The following DNAH2 variants were observed in gnomAD, a reference collection of about 807,000 sequenced individuals.
DNAH2 encodes axonemal beta dynein heavy chain 2.
Under a neutral mutation model 523.5 loss-of-function variants are expected in DNAH2, and 323 were observed. The ratio of observed to expected loss-of-function variants is 0.62; its 90% confidence interval spans 0.56 to 0.68. DNAH2 has a LOEUF of 0.68. Ranked by LOEUF, DNAH2 falls within the 30% of genes least tolerant of loss-of-function variation. The probability of loss-of-function intolerance (pLI) is 0.00; values close to 1 mark genes in which losing one functional copy is unlikely to be tolerated. For synonymous variants in DNAH2, 2,093 were observed against 2,177.4 expected, an observed-to-expected ratio of 0.96 and a Z score of 1.08; for missense variants, 4,907 against 5,701.5, an observed-to-expected ratio of 0.86 and a Z score of 4.49.
In DNAH2 at chr17:7,801,716, C is replaced by T. The variant is rs2077227588; in HGVS notation, c.8832+6C>T. On this transcript the variant is annotated splice_donor_region_variant and intron_variant, in intron 57 of 85. Transcript: ENST00000572933. ...ACCTGGGAACTCAGGAGAATGTGAG[C>T]CCCTCCTCCCCACCTCTCATTGCAT... 8 of 1,613,860 alleles carry T rather than the reference C, an allele frequency of 5.0e-6. No individual in the cohort carries two copies. Among genetic ancestry groups the T allele is most frequent in the Non-Finnish European group, 6.8e-6 (8 of 1,179,956 alleles).
Position 7,740,838 on chromosome 17 carries a change from C to T in DNAH2, c.1535C>T (p.Ala512Val), listed in dbSNP as rs1374316543. Reference sequence around the variant, plus strand: ...ATCAAGCGGACTTATGACAAGAAGGCGGTGGATCTCTACATGCTGTTCAAT... The same window carrying T: ...ATCAAGCGGACTTATGACAAGAAGGTGGTGGATCTCTACATGCTGTTCAAT... ...EAIKRTYDKKAVDLYMLFNSE... is the reference protein window; with the variant it reads ...EAIKRTYDKKVVDLYMLFNSE... Residue 512 changes from alanine to valine, a missense_variant, in exon 11 of 86, where the codon GCG becomes GTG. Ala to Val is a moderately conservative substitution (Grantham distance 64). This residue lies in a region of DNAH2 where 2,806 missense variants were observed against 3,190.8 expected (regional missense o/e 0.88). Coordinates refer to ENST00000572933, the MANE Select transcript of DNAH2 (RefSeq NM_020877.5). The T allele has an allele frequency of 1.2e-6, 2 of 1,610,740 alleles. No homozygotes were observed. Among genetic ancestry groups the T allele is most frequent in the East Asian group, 2.2e-5 (1 of 44,768 alleles).
rs58952947 is a variant in DNAH2, at chr17:7,741,323, C to CTCCCTCCTTCCTTCCTTCCTTCCT, written c.1689+334_1689+335insCTCCTTCCTTCCTTCCTTCCTTCC. On this transcript the variant is annotated intron_variant, in intron 11 of 85. Coordinates refer to ENST00000572933, the MANE Select transcript of DNAH2 (RefSeq NM_020877.5). ...CTTCCTTCCCTCCCTCCCTCCCTCC[C>CTCCCTCCTTCCTTCCTTCCTTCCT]TCCTTCCTTCCTTCCTTCCTTCCTT... 2.7e-3 allele frequency among the ~76,000 whole-genome samples: 160 copies of CTCCCTCCTTCCTTCCTTCCTTCCT among 59,338 alleles called. 9 individuals are homozygous for CTCCCTCCTTCCTTCCTTCCTTCCT. The highest frequency in any genetic ancestry group is 0.027 in the Middle Eastern group (3 of 112). The allele number at this position is 59,338 out of a possible 152,430, so 38.9% of individuals were successfully genotyped here.
chr17:7,823,713 C>G lies in DNAH2; in HGVS notation c.11329+85C>G. ...GGCCCTTCCCATTGTCCTCCATCCC[C>G]TCTCCCAGCTGGTGCCTGCCTCCTG... is the stretch of plus-strand genomic sequence containing the variant. On this transcript the variant is annotated intron_variant, in intron 74 of 85. Transcript: ENST00000572933. The G allele has an allele frequency of 2.5e-6, 4 of 1,579,830 alleles. No homozygotes were observed. In the South Asian group the frequency reaches 4.7e-5, roughly 18 times the overall value.
chr17:7,804,487 C>A, intron 59 of DNAH2, 21 bp downstream of exon 59: 1 of 1,609,874 alleles, frequency 6.2e-7, no homozygotes, highest in South Asian at 1.1e-5. Context: ...CACGCCCACC[C>A]CCCGTGCCCC....
chr17:7,792,925 C>T, intron 47 of DNAH2, 56 bp from the exon 48 acceptor site: 2 of 1,603,278 alleles, frequency 1.2e-6, no homozygotes, highest in South Asian at 1.1e-5. Flanking sequence ...ACCCTCCTCT[C>T]TAAGCCCGTA....
Position 7,760,653 on chromosome 17 carries a change from G to A in DNAH2, c.2786-87G>A. On this transcript the variant is annotated intron_variant, in intron 17 of 85. Transcript: ENST00000572933. The surrounding 1 kb of genome is among the most constrained non-coding windows in gnomAD (Gnocchi z 4.0). Reference sequence around the variant, plus strand: ...TTCTCTGGGAAGCTGGTTTTAGAGTGGAAGGTCTGGAGCAGTGGGCAGGGC... The same window carrying A: ...TTCTCTGGGAAGCTGGTTTTAGAGTAGAAGGTCTGGAGCAGTGGGCAGGGC... 3 of 1,315,034 alleles carry A rather than the reference G, an allele frequency of 2.3e-6. No individual in the cohort carries two copies. The highest frequency in any genetic ancestry group is 3.1e-6 in the Non-Finnish European group (3 of 954,802). 81.5% of individuals were successfully genotyped at this position (1,315,034 alleles called of 1,614,324 possible). A position where few individuals can be genotyped will look rare whatever the true frequency, so the allele number is the denominator to read the frequency against.
In DNAH2 at chr17:7,821,943, C is replaced by A. The variant is rs1287927287; in HGVS notation, c.11142+574C>A. On this transcript the variant is annotated intron_variant, in intron 73 of 85. Transcript: ENST00000572933. The surrounding 1 kb of genome is among the most constrained non-coding windows in gnomAD (Gnocchi z 5.0). ...TAGACATTTTCTTGACTTTTCCCACCTTCACTTCCTGCCTCCCACCCCAAA... is the reference window on the plus strand; with the variant it reads ...TAGACATTTTCTTGACTTTTCCCACATTCACTTCCTGCCTCCCACCCCAAA... Among the ~76,000 whole-genome samples, 1 of 152,098 alleles carries A rather than the reference C, an allele frequency of 6.6e-6. No individual in the cohort carries two copies. The highest frequency in any genetic ancestry group is 1.5e-5 in the Non-Finnish European group (1 of 68,016).
intron 58 of DNAH2, among the ~76,000 whole-genome samples, chr17:7,802,578 AT>A (rs777650702): frequency 6.6e-5 from 10 of 152,214 alleles, no homozygotes; most frequent in Non-Finnish European, 1.2e-4. Flanking sequence ...TGTAAATGCT[AT>A]GTAAATAGTT....
chr17:7,777,214 T>C (rs566899606), intron 32 of DNAH2, among the ~76,000 whole-genome samples: 1 of 151,624 alleles, frequency 6.6e-6, no homozygotes, highest in African/African-American at 2.4e-5. Context: ...GGAGCTAGAA[T>C]TGCAGGGAGG....
At position 7,794,473 on chromosome 17, in the gene DNAH2, C is replaced by T. The variant is rs147924166; in HGVS notation, c.7674+115C>T. The T allele has an allele frequency of 5.2e-3, 4,544 of 882,068 alleles. 15 individuals carry two copies. The highest frequency in any genetic ancestry group is 9.0e-3 in the Middle Eastern group (40 of 4,456). 54.6% of individuals were successfully genotyped at this position (882,068 alleles called of 1,614,324 possible). ...CTGCGGCACCCCAAGTGGAGCTCCA[C>T]GCAGGACGCTGGGACGATCCGTAAG... On this transcript the variant is annotated intron_variant, in intron 49 of 85. Coordinates refer to ENST00000572933, the MANE Select transcript of DNAH2 (RefSeq NM_020877.5).
At chr17:7,778,239 G>C in intron 34 of DNAH2, 41 bp from the exon 35 acceptor site, 1 of 1,613,918 alleles carries the variant, frequency 6.2e-7, no homozygotes, top group Non-Finnish European at 8.5e-7. Context: ...GCTGAGAGAG[G>C]CTTCCAGGAG....
chr17:7,817,806 G>C lies in DNAH2; in HGVS notation c.10186G>C (p.Asp3396His). 6.2e-7 allele frequency: 1 copy of C among 1,614,026 alleles called. No homozygotes were observed. The change falls in exon 67 of 86, where the codon GAC (aspartate) becomes CAC (histidine). Residue 3396 changes from aspartate (D) to histidine (H), a missense_variant. Transcript: ENST00000572933. ...CCCTTCCAGGTGGGCACTGATGATC[G>C]ACCCTCAGGCCCAGGCCCTGAAATG... The part of the protein sequence containing the change: ...TRGNRWALMI[D>H]PQAQALKWIK...
intron 8 of DNAH2, chr17:7,738,077 G>A (rs757053437): frequency 2.8e-6 from 2 of 703,534 alleles, no homozygotes; most frequent in African/African-American, 3.5e-5. Flanking sequence ...CTGTTGTCAC[G>A]CTTGGAAAGA....
chr17:7,801,470 A>T, intron 56 of DNAH2, 108 bp from the exon 57 acceptor site: 1 of 1,486,308 alleles, frequency 6.7e-7, no homozygotes, highest in Middle Eastern at 1.8e-4. Flanking sequence ...GAGCAAGGGG[A>T]TGGGGCATTT....
rs1164955050 is a variant in DNAH2, at chr17:7,792,024, G to C, written c.7008G>C (p.Arg2336Ser). 1.2e-6 allele frequency: 2 copies of C among 1,613,842 alleles called. No individual in the cohort carries two copies. Among genetic ancestry groups the C allele is most frequent in the Admixed American group, 3.3e-5 (2 of 59,982 alleles). The change falls in exon 45 of 86, where the codon AGG (arginine) becomes AGC (serine). Residue 2336 changes from arginine (R) to serine (S), a missense_variant. By Grantham distance (110) the Arg-to-Ser change is moderately radical (BLOSUM62 -1). This residue lies in a region of DNAH2 where 2,806 missense variants were observed against 3,190.8 expected (regional missense o/e 0.88). Coordinates refer to ENST00000572933, the MANE Select transcript of DNAH2 (RefSeq NM_020877.5). ...CTGTGGATGAGGAGGGCCGGAAGAG[G>C]ATCGACAGCTACCTCCGAGAGATCG... Reference protein sequence around the residue: ...CASVDEEGRKRIDSYLREIEG... With the variant: ...CASVDEEGRKSIDSYLREIEG...
chr17:7,779,725 A>G (rs1238290082), intron 36 of DNAH2, among the ~76,000 whole-genome samples: 1 of 152,164 alleles, frequency 6.6e-6, no homozygotes, highest in Non-Finnish European at 1.5e-5. Context: ...TCTCTCTGCC[A>G]TCTCTTTTGC....
Position 7,743,697 on chromosome 17 carries a change from A to C in DNAH2, c.1904+555A>C, listed in dbSNP as rs1479212788. On this transcript the variant is annotated intron_variant, in intron 12 of 85. Transcript: ENST00000572933. Reference sequence around the variant, plus strand: ...AAATCAAAAACCACTCCACTATCTGACTAAACCAGTGATGTCGCTGTTCTG... The same window carrying C: ...AAATCAAAAACCACTCCACTATCTGCCTAAACCAGTGATGTCGCTGTTCTG... 2 of 259,136 alleles carry C rather than the reference A, an allele frequency of 7.7e-6. 1 individual carries two copies. The highest frequency in any genetic ancestry group is 1.5e-5 in the Non-Finnish European group (2 of 135,956). The allele number at this position is 259,136 out of a possible 1,614,324, so 16.1% of individuals were successfully genotyped here.
chr17:7,770,894 G>A lies in DNAH2; in HGVS notation c.4323G>A (p.Glu1441=), dbSNP rs1315128845. Residue 1441 remains glutamate, a synonymous_variant, in exon 27 of 86, where the codon GAG becomes GAA. Transcript: ENST00000572933. ...RCLSLILEVI[E]MILTVQRQWM... ...TCTCCCTCATTTTGGAGGTTATTGA[G>A]ATGATTCTCACAGTGCAGCGTCAGT... The A allele has an allele frequency of 3.7e-6, 6 of 1,614,102 alleles. No homozygotes were observed. In the South Asian group the frequency reaches 6.6e-5, roughly 18 times the overall value.
chr17:7,749,595 T>C (rs2075629305), intron 12 of DNAH2, among the ~76,000 whole-genome samples: 1 of 152,152 alleles, frequency 6.6e-6, no homozygotes, highest in African/African-American at 2.4e-5. Flanking sequence ...GTTTAGGGCT[T>C]ATCTTATTAT....
Sources: gnomAD v4.1 joint callset for allele counts (sites outside exome capture counted in the v4.1 genomes callset) on GRCh38, gnomAD v4.1.1 for gene constraint, gnomAD v4.1.1 regional missense constraint, Gnocchi (gnomAD v3.1) non-coding constraint, MANE v1.5 for transcripts, NCBI Gene and HGNC (gene_info 2026-07-23, HGNC 2026-07-21) for gene names.